The following CHST9 variants were observed in gnomAD, a reference collection of about 807,000 sequenced individuals.
CHST9 encodes GalNAc-4-sulfotransferase 2.
A neutral mutation model predicts 44.4 loss-of-function variants in CHST9; 41 were observed. The observed-to-expected ratio is 0.92, with a 90% CI of 0.72 to 1.20. The LOEUF (loss-of-function observed/expected upper bound fraction) is 1.20. CHST9 is among the 50% of genes most tolerant of loss of function. The probability of loss-of-function intolerance (pLI) is 0.00; values close to 1 mark genes in which losing one functional copy is unlikely to be tolerated. For synonymous variants in CHST9, 171 were observed against 178.4 expected (o/e 0.96, Z 0.33); for missense variants, 504 against 516.5 (o/e 0.98, Z 0.23).
intron 2 of CHST9, among the ~76,000 whole-genome samples, chr18:27,128,911 G>A (rs1403554603): frequency 6.6e-6 from 1 of 152,080 alleles, no homozygotes; most frequent in African/African-American, 2.4e-5. Context: ...TGTCTTTTTG[G>A]AATCACTCCT....
At chr18:27,148,094 T>A (rs776632443) in intron 1 of CHST9, among the ~76,000 whole-genome samples, 7 of 152,062 alleles carry the variant, frequency 4.6e-5, no homozygotes, top group African/African-American at 7.2e-5. Flanking sequence ...GAGCACCTAC[T>A]TATAACTGAG....
rs1283258782 is a variant in CHST9 at position 26,906,966 on chromosome 18, G to T, written c.*9293C>A. On this transcript the variant is annotated 3_prime_UTR_variant, in exon 6 of 6. Transcript: ENST00000618847. ...GGAGGCAGAAAATGGCCAGAAATAT[G>T]CCTGGAGAAGAATTGGGATCATGCA... is the stretch of plus-strand genomic sequence containing the variant. The T allele has an allele frequency of 6.6e-6, 1 of 152,284 alleles. No individual in the cohort carries two copies. The highest frequency in any genetic ancestry group is 1.5e-5 in the Non-Finnish European group (1 of 68,112). 9.4% of individuals were successfully genotyped at this position (152,284 alleles called of 1,614,324 possible). A position where few individuals can be genotyped will look rare whatever the true frequency, so the allele number is the denominator to read the frequency against.
At chr18:27,130,267 G>T (rs1157396043) in intron 2 of CHST9, among the ~76,000 whole-genome samples, 2 of 152,114 alleles carry the variant, frequency 1.3e-5, no homozygotes. Context: ...AGTGAGTGAG[G>T]TCTTTACACT....
At chr18:27,148,110 G>A (rs1487745649) in intron 1 of CHST9, among the ~76,000 whole-genome samples, 1 of 152,036 alleles carries the variant, frequency 6.6e-6, no homozygotes, top group African/African-American at 2.4e-5. Flanking sequence ...CTGAGAACAT[G>A]CAGTATTTGG....
intron 4 of CHST9, among the ~76,000 whole-genome samples, chr18:26,986,206 T>C (rs2056753294): frequency 6.6e-6 from 1 of 152,132 alleles, no homozygotes; most frequent in African/African-American, 2.4e-5. Context: ...TTTAAAGAGT[T>C]ATAACTATAT....
Position 26,983,541 on chromosome 18 carries a change from G to T in CHST9, c.203-39175C>A, listed in dbSNP as rs527932191. 1.5e-4 allele frequency among the ~76,000 whole-genome samples: 23 copies of T among 152,260 alleles called. 1 individual carries two copies. Among genetic ancestry groups the T allele is most frequent in the Admixed American group, 1.3e-3 (20 of 15,302 alleles). On this transcript the variant is annotated intron_variant, in intron 4 of 5. Transcript: ENST00000618847. ...TCACTGAGGCCTCCCCAGAAGCCGA[G>T]CAGATGCCAGCTTCGTGTATAGCCT...
intron 2 of CHST9, among the ~76,000 whole-genome samples, chr18:27,115,650 T>C (rs545091323): frequency 1.3e-5 from 2 of 152,098 alleles, no homozygotes; most frequent in South Asian, 4.1e-4. Context: ...GTGTAGCTGG[T>C]ACCACATGTG....
intron 1 of CHST9, among the ~76,000 whole-genome samples, chr18:27,171,303 A>T (rs117757138): frequency 6.6e-6 from 1 of 152,220 alleles, no homozygotes; most frequent in Non-Finnish European, 1.5e-5. Flanking sequence ...TGGGGAGGAC[A>T]TGGATTAGGC....
At chr18:27,178,768 T>G (rs2143976414) in intron 1 of CHST9, among the ~76,000 whole-genome samples, 1 of 152,156 alleles carries the variant, frequency 6.6e-6, no homozygotes, top group South Asian at 2.1e-4. Context: ...TCTAATATGC[T>G]GCACAGGATT....
chr18:27,112,116 T>C (rs2058276157), intron 2 of CHST9, among the ~76,000 whole-genome samples: 1 of 148,456 alleles, frequency 6.7e-6, no homozygotes, highest in Non-Finnish European at 1.5e-5. Flanking sequence ...TAATAATGTA[T>C]ATATTATATT....
At chr18:26,928,065 G>A (rs1385328335) in intron 5 of CHST9, among the ~76,000 whole-genome samples, 1 of 152,158 alleles carries the variant, frequency 6.6e-6, no homozygotes, top group Non-Finnish European at 1.5e-5. Context: ...TCCATTAAAC[G>A]TTGAGTCGAC....
At chr18:26,966,407 A>AT (rs1220442460) in intron 4 of CHST9, among the ~76,000 whole-genome samples, 2 of 152,250 alleles carry the variant, frequency 1.3e-5, no homozygotes, top group African/African-American at 4.8e-5. Context: ...ATATACACTC[A>AT]TTTTAAGTTG....
intron 3 of CHST9, among the ~76,000 whole-genome samples, chr18:27,031,749 A>T (rs2057342974): frequency 6.6e-6 from 1 of 152,172 alleles, no homozygotes; most frequent in South Asian, 2.1e-4. Context: ...GCCACTTCTA[A>T]TCCCAAGCTT....
intron 2 of CHST9, among the ~76,000 whole-genome samples, chr18:27,093,571 C>T (rs1425742852): frequency 2.0e-5 from 3 of 152,336 alleles, no homozygotes; most frequent in Admixed American, 1.3e-4. Context: ...GAGAGAATCA[C>T]GTTGTCTGCA....
At chr18:27,155,097 A>G (rs1453434324) in intron 1 of CHST9, among the ~76,000 whole-genome samples, 1 of 140,948 alleles carries the variant, frequency 7.1e-6, no homozygotes, top group East Asian at 2.1e-4. Flanking sequence ...AAAAAAAAAA[A>G]AAAAAAAAAG....
chr18:27,093,982 A>G (rs1262563744), intron 2 of CHST9, among the ~76,000 whole-genome samples: 2 of 152,124 alleles, frequency 1.3e-5, no homozygotes, highest in Non-Finnish European at 2.9e-5. Flanking sequence ...TCTTCATGTT[A>G]AGTCAGAATC....
chr18:27,034,675 C>G (rs989392020), intron 3 of CHST9, among the ~76,000 whole-genome samples: 3 of 152,198 alleles, frequency 2.0e-5, no homozygotes, highest in Non-Finnish European at 4.4e-5. Context: ...GGCCTTTGCA[C>G]TCTTCTCTCA....
intron 2 of CHST9, among the ~76,000 whole-genome samples, chr18:27,092,654 C>T (rs1408742819): frequency 3.9e-5 from 6 of 152,096 alleles, no homozygotes; most frequent in Non-Finnish European, 1.5e-5. Flanking sequence ...TGTCTTTGTT[C>T]TCATTTGTTT....
chr18:27,015,504 C>G (rs143530906), intron 4 of CHST9, among the ~76,000 whole-genome samples: 1 of 152,222 alleles, frequency 6.6e-6, no homozygotes, highest in Non-Finnish European at 1.5e-5. Flanking sequence ...CTGCCTGCCC[C>G]CAGTCTTGTT....
Sources: gnomAD v4.1 joint callset for allele counts (sites outside exome capture counted in the v4.1 genomes callset) on GRCh38, gnomAD v4.1.1 for gene constraint, MANE v1.5 for transcripts, NCBI Gene and HGNC (gene_info 2026-07-23, HGNC 2026-07-21) for gene names.